The following OR9A4 variants were observed in gnomAD, a reference collection of about 807,000 sequenced individuals.
OR9A4 encodes olfactory receptor family 9 subfamily A member 4.
Under a neutral mutation model 17.1 loss-of-function variants are expected in OR9A4, and 16 were observed. The observed-to-expected ratio is 0.94, with a 90% CI of 0.64 to 1.43. The LOEUF (loss-of-function observed/expected upper bound fraction) is 1.43, where lower values mean the gene tolerates loss of function less well. Among genes scored for constraint, OR9A4 ranks in the 40% most tolerant of loss-of-function variants. OR9A4 has a pLI of 0.00. For missense variants in OR9A4, 392 were observed against 382.1 expected (o/e 1.03, Z -0.22); for synonymous variants, 167 against 143.3 (o/e 1.17, Z -1.18).
In OR9A4 at chr7:141,919,602, T is replaced by C. The variant is rs374422987; in HGVS notation, c.727T>C (p.Ser243Pro). The change falls in exon 2 of 2, where the codon TCC becomes CCC. Residue 243 changes from serine to proline, a missense_variant. Transcript: ENST00000641559. ...GRRKSFSTCA[S>P]HFTCVVIGYG... ...GAGGAAATCCTTCTCCACTTGTGCC[T>C]CCCACTTCACCTGTGTTGTGATTGG... 4.3e-6 allele frequency: 7 copies of C among 1,614,060 alleles called. No individual in the cohort carries two copies. The East Asian group carries it at 1.3e-4, about 31-fold the overall frequency.
rs1002289540 is a variant in OR9A4, at chr7:141,920,142, C to G, written c.*322C>G. On this transcript the variant is annotated 3_prime_UTR_variant, in exon 2 of 2. Coordinates refer to ENST00000641559, the MANE Select transcript of OR9A4 (RefSeq NM_001001656.3). ...CTATCTATATAGTCTAGAAAATAGA[C>G]TAGTGGTTGCTTAGGGCTGAGGGGA... 5 of 202,244 alleles carry G rather than the reference C, an allele frequency of 2.5e-5. No homozygotes were observed. Among genetic ancestry groups the G allele is most frequent in the Admixed American group, 5.3e-5 (1 of 19,018 alleles). 12.5% of individuals were successfully genotyped at this position (202,244 alleles called of 1,614,324 possible). A position where few individuals can be genotyped will look rare whatever the true frequency, so the allele number is the denominator to read the frequency against.
intron 1 of OR9A4, among the ~76,000 whole-genome samples, chr7:141,917,297 G>A (rs1175576099): frequency 2.0e-5 from 3 of 152,170 alleles, no homozygotes; most frequent in African/African-American, 7.2e-5. Flanking sequence ...TGAGAGGAAG[G>A]TGTGCCTGTA....
chr7:141,919,256 T>G lies in OR9A4; in HGVS notation c.381T>G (p.Cys127Trp), dbSNP rs782156628. 6.2e-7 allele frequency: 1 copy of G among 1,614,190 alleles called. No individual in the cohort carries two copies. Among genetic ancestry groups the G allele is most frequent in the Non-Finnish European group, 8.5e-7 (1 of 1,180,034 alleles). ...AMAVDRYVAV[C>W]NPLRYNIIMN... ...CTGTGGACCGTTATGTGGCTGTCTGTAACCCTCTGAGGTACAACATCATTA... is the reference window on the plus strand; with the variant it reads ...CTGTGGACCGTTATGTGGCTGTCTGGAACCCTCTGAGGTACAACATCATTA... Residue 127 changes from cysteine (C) to tryptophan (W), a missense_variant, in exon 2 of 2, where the codon TGT becomes TGG. Physicochemically the swap from Cys to Trp is radical, Grantham distance 215 (BLOSUM62 -2). Coordinates refer to ENST00000641559, the MANE Select transcript of OR9A4 (RefSeq NM_001001656.3).
chr7:141,918,723 A>G (rs1259054863), intron 1 of OR9A4, 123 bp from the exon 2 acceptor site: 2 of 607,286 alleles, frequency 3.3e-6, no homozygotes, highest in African/African-American at 3.7e-5. Flanking sequence ...TGACATCAAC[A>G]TCGTGTAGAA....
chr7:141,918,221 C>T (rs1163197531), intron 1 of OR9A4, among the ~76,000 whole-genome samples: 1 of 152,172 alleles, frequency 6.6e-6, no homozygotes, highest in Non-Finnish European at 1.5e-5. Flanking sequence ...ATTCTCCTGC[C>T]TCAGCCTCCT....
intron 1 of OR9A4, 22 bp downstream of exon 1, chr7:141,916,658 T>C (rs1351894711): frequency 1.3e-5 from 2 of 152,064 alleles, no homozygotes; most frequent in African/African-American, 4.8e-5. Flanking sequence ...CCAGAGGGGG[T>C]TCCTTTCTGT....
chr7:141,917,746 C>T (rs1802207897), intron 1 of OR9A4, among the ~76,000 whole-genome samples: 1 of 152,170 alleles, frequency 6.6e-6, no homozygotes, highest in Admixed American at 6.5e-5. Context: ...TCCTCTTTGT[C>T]ATCTCATAAC....
Position 141,920,484 on chromosome 7 carries a change from A to C in OR9A4, c.*664A>C, listed in dbSNP as rs201747755. On this transcript the variant is annotated 3_prime_UTR_variant, in exon 2 of 2. Coordinates refer to ENST00000641559, the MANE Select transcript of OR9A4 (RefSeq NM_001001656.3). ...TCGGAAACTTGTTAAAGAACATTCC[A>C]GGCATAGTGAGTAATAAGTGAGAGA... The C allele has an allele frequency of 6.6e-6, 1 of 152,308 alleles. No homozygotes were observed. Among genetic ancestry groups the C allele is most frequent in the East Asian group, 1.9e-4 (1 of 5,188 alleles). The allele number at this position is 152,308 out of a possible 1,614,324, so 9.4% of individuals were successfully genotyped here. A position where few individuals can be genotyped will look rare whatever the true frequency, so the allele number is the denominator to read the frequency against.
rs190975595 is a variant in OR9A4 at position 141,919,833 on chromosome 7, G to A, written c.*13G>A. Reference sequence around the variant, plus strand: ...ATTCAGGAATTAGCCTTGCTCTGAGGACTTTTACATGGTAAAGCACTTAGT... The same window carrying A: ...ATTCAGGAATTAGCCTTGCTCTGAGAACTTTTACATGGTAAAGCACTTAGT... On this transcript the variant is annotated 3_prime_UTR_variant, in exon 2 of 2. Coordinates refer to ENST00000641559, the MANE Select transcript of OR9A4 (RefSeq NM_001001656.3). 1.9e-3 allele frequency: 3,027 copies of A among 1,583,516 alleles called. 15 individuals are homozygous for A. The highest frequency in any genetic ancestry group is 2.1e-3 in the Non-Finnish European group (2,466 of 1,160,606).
intron 1 of OR9A4, among the ~76,000 whole-genome samples, chr7:141,918,144 T>G (rs1270780511): frequency 6.6e-6 from 1 of 152,216 alleles, no homozygotes; most frequent in African/African-American, 2.4e-5. Context: ...TATTTATTTA[T>G]TTTTTGAGAC....
Position 141,919,562 on chromosome 7 carries a change from G to T in OR9A4, c.687G>T (p.Pro229=). 1 of 1,613,986 alleles carries T rather than the reference G, an allele frequency of 6.2e-7. No homozygotes were observed. Among genetic ancestry groups the T allele is most frequent in the Non-Finnish European group, 8.5e-7 (1 of 1,180,018 alleles). The part of the protein sequence containing the change: ...AYIISTILKI[P]SSSGRRKSFS... ...TCATCTCCACCATTCTCAAGATCCCGTCATCCTCTGGCCGGAGGAAATCCT... is the reference window on the plus strand; with the variant it reads ...TCATCTCCACCATTCTCAAGATCCCTTCATCCTCTGGCCGGAGGAAATCCT... Residue 229 remains proline, a synonymous_variant, in exon 2 of 2, where the codon CCG becomes CCT. Coordinates refer to ENST00000641559, the MANE Select transcript of OR9A4 (RefSeq NM_001001656.3).
chr7:141,919,727 C>G lies in OR9A4; in HGVS notation c.852C>G (p.Phe284Leu), dbSNP rs1554439161. The G allele has an allele frequency of 1.2e-6, 2 of 1,614,192 alleles. No individual in the cohort carries two copies. Among genetic ancestry groups the G allele is most frequent in the South Asian group, 1.1e-5 (1 of 91,086 alleles). Residue 284 changes from phenylalanine (F) to leucine (L), a missense_variant, in exon 2 of 2, where the codon TTC (phenylalanine) becomes TTG (leucine). By Grantham distance (22) the Phe-to-Leu change is conservative (BLOSUM62 0). Coordinates refer to ENST00000641559, the MANE Select transcript of OR9A4 (RefSeq NM_001001656.3). ...VSLMVSVVTP[F>L]LNPFIFTLRN... ...TGATGGTTTCAGTAGTAACTCCTTT[C>G]CTCAATCCTTTCATCTTCACCCTCC...
In OR9A4 at chr7:141,919,768, T is replaced by C. The variant is rs782125001; in HGVS notation, c.893T>C (p.Ile298Thr). The C allele has an allele frequency of 4.3e-6, 7 of 1,614,150 alleles. No homozygotes were observed. The highest frequency in any genetic ancestry group is 2.2e-5 in the South Asian group (2 of 91,080). The stretch of plus-strand genomic sequence containing the variant: ...TTCACCCTCCGGAATGATAAAGTCA[T>C]AGAGGCCCTTCGGGATGGGGTGAAA... ...FIFTLRNDKVIEALRDGVKRC... is the reference protein window; with the variant it reads ...FIFTLRNDKVTEALRDGVKRC... Residue 298 changes from isoleucine to threonine, a missense_variant, in exon 2 of 2, where the codon ATA (isoleucine) becomes ACA (threonine). Transcript: ENST00000641559.
intron 1 of OR9A4, 153 bp from the exon 2 acceptor site, chr7:141,918,693 T>G (rs532678085): frequency 7.1e-6 from 4 of 562,518 alleles, no homozygotes; most frequent in African/African-American, 1.9e-5. Flanking sequence ...TCAAAAGATA[T>G]ATATTCTTCA....
Position 141,916,895 on chromosome 7 carries a change from C to T in OR9A4, c.-31+259C>T, listed in dbSNP as rs563506645. On this transcript the variant is annotated intron_variant, in intron 1 of 1. Transcript: ENST00000641559. ...CCAAGTCCCTGCTCTCTCATTTCTC[C>T]CCATTCCTTCCATATATCTGCCTGC... 1.1e-3 allele frequency among the ~76,000 whole-genome samples: 162 copies of T among 152,260 alleles called. 1 individual carries two copies. The highest frequency in any genetic ancestry group is 1.5e-4 in the Non-Finnish European group (10 of 68,014).
intron 1 of OR9A4, among the ~76,000 whole-genome samples, chr7:141,916,966 A>T (rs1357202080): frequency 6.6e-6 from 1 of 152,202 alleles, no homozygotes; most frequent in East Asian, 1.9e-4. Flanking sequence ...GGTTGACTTT[A>T]TGTTGCTTCA....
chr7:141,919,352 G>A lies in OR9A4; in HGVS notation c.477G>A (p.Pro159=), dbSNP rs12671397. The A allele has an allele frequency of 2.5e-3, 4,102 of 1,614,054 alleles. 90 individuals carry two copies. In the East Asian group the frequency reaches 0.037, roughly 15 times the overall value. The stretch of plus-strand genomic sequence containing the variant: ...TTGGGTTTCTTTTTCAAATCTGGCC[G>A]GTCTATGTCATGTTTCAGCTTACTT... ...WVFGFLFQIW[P]VYVMFQLTYC... is the part of the protein sequence containing the mutation. The change falls in exon 2 of 2, where the codon CCG becomes CCA. Residue 159 remains proline (P), a synonymous_variant. Coordinates refer to ENST00000641559, the MANE Select transcript of OR9A4 (RefSeq NM_001001656.3).
intron 1 of OR9A4, 59 bp from the exon 2 acceptor site, chr7:141,918,787 C>A: frequency 1.0e-6 from 1 of 982,474 alleles, no homozygotes. Flanking sequence ...GTTTTTTCAA[C>A]CTGAAATGTC....
rs6962142 is a variant in OR9A4 at position 141,920,399 on chromosome 7, T to G, written c.*579T>G. 2.0e-5 allele frequency: 3 copies of G among 152,028 alleles called. No individual in the cohort carries two copies. Among genetic ancestry groups the G allele is most frequent in the Admixed American group, 1.3e-4 (2 of 15,224 alleles). 9.4% of individuals were successfully genotyped at this position (152,028 alleles called of 1,614,324 possible). The stretch of plus-strand genomic sequence containing the variant: ...TGAAAGGGAATATCTCTTGCAGGAG[T>G]GTTGAAATTTCAAATAAGGTTTTCA... On this transcript the variant is annotated 3_prime_UTR_variant, in exon 2 of 2. Transcript: ENST00000641559.
Sources: allele counts gnomAD v4.1 joint callset (sites outside exome capture counted in the v4.1 genomes callset), GRCh38; gene constraint gnomAD v4.1.1; transcripts MANE v1.5; gene names NCBI Gene and HGNC (gene_info 2026-07-23, HGNC 2026-07-21).